AJAP1: variants seen among roughly 807,000 people sequenced by gnomAD.
AJAP1 encodes adherens junction-associated protein 1.
A neutral mutation model predicts 35.0 loss-of-function variants in AJAP1; 5 were observed. That is an observed-to-expected ratio of 0.14 (90% confidence interval 0.07 to 0.30). The LOEUF (loss-of-function observed/expected upper bound fraction) is 0.30. Ranked by LOEUF, AJAP1 falls within the 10% of genes least tolerant of loss-of-function variation. The pLI is 1.00. For synonymous variants in AJAP1, 284 were observed against 249.3 expected (o/e 1.14, Z -1.31); for missense variants, 586 against 571.0 (o/e 1.03, Z -0.27).
At chr1:4,769,777 C>A in intron 2 of AJAP1, 76 bp from the exon 3 acceptor site, 1 of 1,317,260 alleles carries the variant, frequency 7.6e-7, no homozygotes, top group Non-Finnish European at 1.1e-6. Context: ...GGGGATGCAC[C>A]TCCACCTTTC....
chr1:4,685,977 G>A lies in AJAP1; in HGVS notation c.30-25923G>A, dbSNP rs184770091. On this transcript the variant is annotated intron_variant, in intron 1 of 5. Transcript: ENST00000378191. The stretch of plus-strand genomic sequence containing the variant: ...ATCAAATGCACCCCAAATTTGAAAG[G>A]ACCCCTTCCTTTAGTGATCATCTCC... Among the ~76,000 whole-genome samples, 109 of 152,326 alleles carry A rather than the reference G, an allele frequency of 7.2e-4. 1 individual carries two copies. The highest frequency in any genetic ancestry group is 6.8e-3 in the Middle Eastern group (2 of 294).
At chr1:4,673,580 A>T (rs1639292928) in intron 1 of AJAP1, among the ~76,000 whole-genome samples, 1 of 151,984 alleles carries the variant, frequency 6.6e-6, no homozygotes, top group East Asian at 1.9e-4. Context: ...GCCTCCACTG[A>T]CTCATTCCTT....
chr1:4,738,015 A>G (rs1356142078), intron 2 of AJAP1, among the ~76,000 whole-genome samples: 2 of 152,246 alleles, frequency 1.3e-5, no homozygotes, highest in Non-Finnish European at 2.9e-5. Flanking sequence ...TTAAACTCCA[A>G]AGGTGTGCAA....
intron 1 of AJAP1, among the ~76,000 whole-genome samples, chr1:4,706,989 C>G (rs1246298489): frequency 6.6e-5 from 10 of 152,058 alleles, no homozygotes; most frequent in Non-Finnish European, 1.3e-4. Context: ...ATCATGGGCT[C>G]GAGGCTGCTG....
At chr1:4,683,644 C>G (rs763238) in intron 1 of AJAP1, among the ~76,000 whole-genome samples, 1 of 152,104 alleles carries the variant, frequency 6.6e-6, no homozygotes, top group Non-Finnish European at 1.5e-5. Flanking sequence ...GTCTTTCCCC[C>G]GGGGACTCTT....
intron 2 of AJAP1, among the ~76,000 whole-genome samples, chr1:4,755,290 G>T (rs1223000320): frequency 1.3e-5 from 2 of 152,192 alleles, no homozygotes; most frequent in Non-Finnish European, 2.9e-5. Flanking sequence ...GAACCCCTGT[G>T]GGAAGTGGGT....
At chr1:4,760,493 T>C (rs1054643931) in intron 2 of AJAP1, among the ~76,000 whole-genome samples, 3 of 152,172 alleles carry the variant, frequency 2.0e-5, no homozygotes, top group African/African-American at 7.2e-5. Context: ...CACTGGACTT[T>C]CTGCTCCGGA....
intron 2 of AJAP1, among the ~76,000 whole-genome samples, chr1:4,740,495 A>C (rs1039487153): frequency 6.7e-6 from 1 of 148,554 alleles, no homozygotes; most frequent in African/African-American, 2.5e-5. Flanking sequence ...GTACGCTTAA[A>C]AAGTGGCTGG....
At chr1:4,665,657 C>G (rs763045900) in intron 1 of AJAP1, among the ~76,000 whole-genome samples, 15 of 152,132 alleles carry the variant, frequency 9.9e-5, no homozygotes, top group Non-Finnish European at 2.2e-4. Flanking sequence ...AGGTGAGAGC[C>G]AGGCAGCGTG....
chr1:4,683,329 G>T (rs1380267635), intron 1 of AJAP1, among the ~76,000 whole-genome samples: 1 of 152,216 alleles, frequency 6.6e-6, no homozygotes, highest in Non-Finnish European at 1.5e-5. Flanking sequence ...CTCAGAATCA[G>T]CATCCCTGGA....
chr1:4,706,697 C>G (rs573146095), intron 1 of AJAP1, among the ~76,000 whole-genome samples: 2 of 152,126 alleles, frequency 1.3e-5, no homozygotes, highest in Non-Finnish European at 2.9e-5. Context: ...ACTCCCGGCT[C>G]GGGGAAAGGT....
At chr1:4,749,618 C>T (rs1641275982) in intron 2 of AJAP1, among the ~76,000 whole-genome samples, 1 of 152,232 alleles carries the variant, frequency 6.6e-6, no homozygotes. Flanking sequence ...AAAAACAAAC[C>T]AGTGTATTTG....
At chr1:4,762,441 G>T (rs999517992) in intron 2 of AJAP1, among the ~76,000 whole-genome samples, 1 of 152,218 alleles carries the variant, frequency 6.6e-6, no homozygotes, top group Non-Finnish European at 1.5e-5. Context: ...GGAGACTGGG[G>T]TCAGCCATGC....
In AJAP1 at chr1:4,656,329, G is replaced by A. The variant is rs1257304443; in HGVS notation, c.29+875G>A. 6.6e-6 allele frequency among the ~76,000 whole-genome samples: 1 copy of A among 152,204 alleles called. No individual in the cohort carries two copies. The highest frequency in any genetic ancestry group is 2.4e-5 in the African/African-American group (1 of 41,470). On this transcript the variant is annotated intron_variant, in intron 1 of 5. Transcript: ENST00000378191. This position sits in a 1 kb window ranked among gnomAD's most constrained non-coding sequence, Gnocchi z 5.7. The stretch of plus-strand genomic sequence containing the variant: ...AGAGCACAGCTGTCGTTTTTGCTGG[G>A]CAGGCTGCCTCTGAGCCCTCGCCCT...
intron 1 of AJAP1, among the ~76,000 whole-genome samples, chr1:4,657,828 CT>C (rs1638915696): frequency 1.3e-5 from 2 of 148,434 alleles, no homozygotes; most frequent in African/African-American, 4.9e-5. Flanking sequence ...TTTTTTTTTT[CT>C]TTTCCCCCCA....
chr1:4,681,574 A>T (rs935771249), intron 1 of AJAP1, among the ~76,000 whole-genome samples: 1 of 152,236 alleles, frequency 6.6e-6, no homozygotes, highest in Non-Finnish European at 1.5e-5. Flanking sequence ...CCTTGTTCAG[A>T]CAGGTACAGC....
At chr1:4,737,105 C>T (rs1280205936) in intron 2 of AJAP1, among the ~76,000 whole-genome samples, 1 of 152,232 alleles carries the variant, frequency 6.6e-6, no homozygotes, top group East Asian at 1.9e-4. Context: ...CTGTTTGCAG[C>T]ATCGCGAGCA....
intron 2 of AJAP1, among the ~76,000 whole-genome samples, chr1:4,736,433 C>T (rs1640925245): frequency 6.6e-6 from 1 of 152,224 alleles, no homozygotes; most frequent in Non-Finnish European, 1.5e-5. Flanking sequence ...TCACTCTGCT[C>T]CAAAAACACC....
chr1:4,735,464 C>T (rs1570172252), intron 2 of AJAP1, among the ~76,000 whole-genome samples: 1 of 152,260 alleles, frequency 6.6e-6, no homozygotes, highest in African/African-American at 2.4e-5. Context: ...AGGAAAGGAG[C>T]CTGGTATGCA....
Sources: allele counts gnomAD v4.1 joint callset (sites outside exome capture counted in the v4.1 genomes callset), GRCh38; gene constraint gnomAD v4.1.1; non-coding constraint Gnocchi (gnomAD v3.1); transcripts MANE v1.5; gene names NCBI Gene and HGNC (gene_info 2026-07-23, HGNC 2026-07-21).